TMEM63B: variants seen among roughly 807,000 people sequenced by gnomAD.
TMEM63B encodes transmembrane protein 63B.
A neutral mutation model predicts 102.6 loss-of-function variants in TMEM63B; 23 were observed. That is an observed-to-expected ratio of 0.22 (90% CI 0.16 to 0.32). The LOEUF (loss-of-function observed/expected upper bound fraction) is 0.32, where lower values mean the gene tolerates loss of function less well. Ranked by LOEUF, TMEM63B falls within the 10% of genes least tolerant of loss-of-function variation. The pLI is 1.00. For missense variants in TMEM63B, 628 were observed against 1,095.9 expected, an observed-to-expected ratio of 0.57 and a Z score of 6.03; for synonymous variants, 444 against 437.0, an observed-to-expected ratio of 1.02 and a Z score of -0.20.
chr6:44,135,939 G>A (rs982124862), intron 4 of TMEM63B, among the ~76,000 whole-genome samples: 2 of 152,092 alleles, frequency 1.3e-5, no homozygotes, highest in Non-Finnish European at 2.9e-5. Context: ...AGTCTCCCCA[G>A]CCCTTCCAGG....
At chr6:44,153,533 C>T (rs1041523) in intron 20 of TMEM63B, 143 bp from the exon 21 acceptor site, 250,275 of 796,668 alleles carry the variant, frequency 0.31, 42,251 homozygotes, top group East Asian at 0.57. Context: ...CGCTGGGGCA[C>T]GGGGCACTAT....
rs895827951 is a variant in TMEM63B at position 44,152,037 on chromosome 6, G to A, written c.1836+29G>A. 19 of 1,566,256 alleles carry A rather than the reference G, an allele frequency of 1.2e-5. No homozygotes were observed. The highest frequency in any genetic ancestry group is 2.3e-5 in the East Asian group (1 of 42,564). On this transcript the variant is annotated intron_variant, in intron 19 of 23. Coordinates refer to ENST00000323267, the MANE Select transcript of TMEM63B (RefSeq NM_018426.3). The surrounding 1 kb of genome is among the most constrained non-coding windows in gnomAD (Gnocchi z 6.4). ...CGGCCGCCTGGGGCAGCAGCGGCCC[G>A]CACAGCGCCCCCTGGTGGCCCAACA...
chr6:44,147,571 C>T, intron 12 of TMEM63B, 71 bp downstream of exon 12: 1 of 1,572,300 alleles, frequency 6.4e-7, no homozygotes, highest in Non-Finnish European at 8.6e-7. Flanking sequence ...TGGGGCCCTG[C>T]CCTCAGTGAG....
chr6:44,143,015 G>T (rs1764611789), intron 10 of TMEM63B, among the ~76,000 whole-genome samples: 2 of 152,162 alleles, frequency 1.3e-5, no homozygotes, highest in Non-Finnish European at 1.5e-5. Context: ...TCTCAAAAAA[G>T]AAAGAAAGTA....
At chr6:44,136,130 A>T (rs893216826) in intron 4 of TMEM63B, among the ~76,000 whole-genome samples, 2 of 152,096 alleles carry the variant, frequency 1.3e-5, no homozygotes, top group Non-Finnish European at 2.9e-5. Context: ...ACTGCCCACC[A>T]TCAGTGCCCA....
intron 15 of TMEM63B, 39 bp from the exon 16 acceptor site, chr6:44,149,820 A>G: frequency 6.4e-7 from 1 of 1,552,010 alleles, no homozygotes; most frequent in Non-Finnish European, 8.8e-7. Context: ...TGGGCCCCCT[A>G]GACTGCCCTG....
At chr6:44,138,421 G>T in intron 5 of TMEM63B, 59 bp from the exon 6 acceptor site, 1 of 1,608,250 alleles carries the variant, frequency 6.2e-7, no homozygotes, top group Non-Finnish European at 8.5e-7. Flanking sequence ...ACTTGAGGGA[G>T]GAGAGAGGTT....
Position 44,149,082 on chromosome 6 carries a change from C to T in TMEM63B, c.1413+137C>T, listed in dbSNP as rs1582816686. ...GTGCCACCAACCAGCTCCCAAAAAC[C>T]CCTGTGTGCACTTCCCTTGGGCTCC... On this transcript the variant is annotated intron_variant, in intron 15 of 23. Coordinates refer to ENST00000323267, the MANE Select transcript of TMEM63B (RefSeq NM_018426.3). 14 of 1,361,318 alleles carry T rather than the reference C, an allele frequency of 1.0e-5. No individual in the cohort carries two copies. In the East Asian group the frequency reaches 3.4e-4, roughly 33 times the overall value. The allele number at this position is 1,361,318 out of a possible 1,614,324, so 84.3% of individuals were successfully genotyped here. A position where few individuals can be genotyped will look rare whatever the true frequency, so the allele number is the denominator to read the frequency against.
In TMEM63B at chr6:44,152,521, C is replaced by A. The variant is rs1178677155; in HGVS notation, c.1837-72C>A. On this transcript the variant is annotated intron_variant, in intron 19 of 23. Transcript: ENST00000323267. The surrounding 1 kb of genome is among the most constrained non-coding windows in gnomAD (Gnocchi z 6.4). Reference sequence around the variant, plus strand: ...CCCCAGAGGTCCTGGCTCCCTTCCCCCTCCCTCCTTCCCTGCCCCTCTGGT... The same window carrying A: ...CCCCAGAGGTCCTGGCTCCCTTCCCACTCCCTCCTTCCCTGCCCCTCTGGT... 9.1e-7 allele frequency: 1 copy of A among 1,098,872 alleles called. No individual in the cohort carries two copies. Among genetic ancestry groups the A allele is most frequent in the South Asian group, 1.3e-5 (1 of 79,372 alleles). 68.1% of individuals were successfully genotyped at this position (1,098,872 alleles called of 1,614,324 possible). A position where few individuals can be genotyped will look rare whatever the true frequency, so the allele number is the denominator to read the frequency against.
intron 4 of TMEM63B, 114 bp from the exon 5 acceptor site, chr6:44,136,235 G>C: frequency 6.2e-6 from 5 of 801,582 alleles, no homozygotes; most frequent in Non-Finnish European, 8.6e-6. Flanking sequence ...CAGCCTCTGC[G>C]CTTCCTGTGC....
chr6:44,138,736 G>GGCCCCCCCCC (rs567563400), intron 6 of TMEM63B: 40 of 288,640 alleles, frequency 1.4e-4, no homozygotes, highest in South Asian at 3.5e-4. Context: ...CCCCCTGCCG[G>GGCCCCCCCCC]CCCCCCCGCT....
chr6:44,126,839 C>T (rs1434505857), upstream of TMEM63B: 1 of 152,182 alleles, frequency 6.6e-6, no homozygotes, highest in African/African-American at 2.4e-5. Context: ...AAATAAGAAA[C>T]CAGGGAACCC....
intron 1 of TMEM63B, chr6:44,134,336 A>G: frequency 1.9e-6 from 1 of 518,912 alleles, no homozygotes. Flanking sequence ...TGGCATCTAG[A>G]CTGAGTTCCC....
rs1763460822 is a variant in TMEM63B at position 44,138,472 on chromosome 6, TC to T, written c.370-3del. On this transcript the variant is annotated splice_polypyrimidine_tract_variant and splice_region_variant and intron_variant, in intron 5 of 23. Coordinates refer to ENST00000323267, the MANE Select transcript of TMEM63B (RefSeq NM_018426.3). ...GGGACTCCCGCTGACAGCCCTCTGT[TC>T]CCCCAGGGTTTCTGTTCCTGGCTGA... The T allele has an allele frequency of 6.2e-7, 1 of 1,613,856 alleles. No individual in the cohort carries two copies. Among genetic ancestry groups the T allele is most frequent in the Non-Finnish European group, 8.5e-7 (1 of 1,179,984 alleles).
intron 10 of TMEM63B, among the ~76,000 whole-genome samples, chr6:44,142,535 GAAAA>G (rs1295926657): frequency 6.6e-6 from 1 of 151,164 alleles, no homozygotes; most frequent in Admixed American, 6.6e-5. Flanking sequence ...CTCAAAAAAA[GAAAA>G]AAAAATCATT....
rs756767826 is a variant in TMEM63B at position 44,152,118 on chromosome 6, G to C, written c.1836+110G>C. ...GGGCACAGGAGGGCTGAGACTTGGG[G>C]AGTACAGTTGACTCACGGTGGATCC... On this transcript the variant is annotated intron_variant, in intron 19 of 23. Transcript: ENST00000323267. This position sits in a 1 kb window ranked among gnomAD's most constrained non-coding sequence, Gnocchi z 6.4. 3.1e-5 allele frequency: 41 copies of C among 1,331,516 alleles called. No individual in the cohort carries two copies. The African/African-American group carries it at 6.0e-4, about 19-fold the overall frequency. 82.5% of individuals were successfully genotyped at this position (1,331,516 alleles called of 1,614,324 possible).
chr6:44,151,482 T>C (rs559522948), intron 18 of TMEM63B, among the ~76,000 whole-genome samples: 13 of 152,162 alleles, frequency 8.5e-5, no homozygotes, highest in South Asian at 2.1e-4. Flanking sequence ...ACTCGAGTTA[T>C]GGTCTAAGTG....
In TMEM63B at chr6:44,150,435, C is replaced by T; in HGVS notation, c.1607+125C>T. The T allele has an allele frequency of 6.9e-7, 1 of 1,459,208 alleles. No individual in the cohort carries two copies. Among genetic ancestry groups the T allele is most frequent in the East Asian group, 2.3e-5 (1 of 43,978 alleles). 90.4% of individuals were successfully genotyped at this position (1,459,208 alleles called of 1,614,324 possible). ...CCCAAGATGGGAAGCCTGGCCACCC[C>T]CAGGCCTCCTGAGCTACCCACCCCA... On this transcript the variant is annotated intron_variant, in intron 17 of 23. Coordinates refer to ENST00000323267, the MANE Select transcript of TMEM63B (RefSeq NM_018426.3). The surrounding 1 kb of genome is among the most constrained non-coding windows in gnomAD (Gnocchi z 4.7).
At chr6:44,149,724 G>C (rs1011199762) in intron 15 of TMEM63B, 135 bp from the exon 16 acceptor site, 1 of 658,552 alleles carries the variant, frequency 1.5e-6, no homozygotes, top group African/African-American at 1.8e-5. Flanking sequence ...CCAGCCCTCC[G>C]GATGTTCTGG....
Sources: allele counts gnomAD v4.1 joint callset (sites outside exome capture counted in the v4.1 genomes callset), GRCh38; gene constraint gnomAD v4.1.1; non-coding constraint Gnocchi (gnomAD v3.1); transcripts MANE v1.5; gene names NCBI Gene and HGNC (gene_info 2026-07-23, HGNC 2026-07-21).